The following THSD4 variants were observed in gnomAD, a reference collection of about 807,000 sequenced individuals.
THSD4 encodes the protein thrombospondin type 1 domain containing 4.
A neutral mutation model predicts 119.0 loss-of-function variants in THSD4; 69 were observed. The observed-to-expected ratio is 0.58, with a 90% CI of 0.48 to 0.71. THSD4 has a LOEUF of 0.71. Among genes scored for constraint, THSD4 ranks in the 30% least tolerant of loss-of-function variants. THSD4 has a pLI of 0.00. For missense variants in THSD4, 1,393 were observed against 1,391.1 expected, an observed-to-expected ratio of 1.00 and a Z score of -0.02; for synonymous variants, 524 against 540.4, an observed-to-expected ratio of 0.97 and a Z score of 0.42.
Position 71,642,670 on chromosome 15 carries a change from AATC to A in THSD4, c.1153-17854_1153-17852del, listed in dbSNP as rs531776730. Among the ~76,000 whole-genome samples the A allele has an allele frequency of 8.8e-3, 1,347 of 152,258 alleles. 18 individuals carry two copies. The highest frequency in any genetic ancestry group is 0.031 in the African/African-American group (1,302 of 41,530). On this transcript the variant is annotated intron_variant, in intron 7 of 17. Transcript: ENST00000261862. ...TTGTAGGGACACGGATGAAGTTGGA[AATC>A]ATCATTCTCAGTAAACTATCGCAAG...
intron 7 of THSD4, among the ~76,000 whole-genome samples, chr15:71,583,689 A>G (rs2049602364): frequency 6.6e-6 from 1 of 152,018 alleles, no homozygotes; most frequent in Non-Finnish European, 1.5e-5. Context: ...TTAGAGGTGC[A>G]TTGTTTAATT....
chr15:71,760,180 A>G (rs998238384), intron 15 of THSD4, among the ~76,000 whole-genome samples: 1 of 152,218 alleles, frequency 6.6e-6, no homozygotes, highest in Non-Finnish European at 1.5e-5. Context: ...ATGTGATCCA[A>G]CAGGTGGATG....
intron 4 of THSD4, among the ~76,000 whole-genome samples, chr15:71,223,559 C>T (rs1401753355): frequency 1.3e-5 from 2 of 152,188 alleles, no homozygotes; most frequent in Non-Finnish European, 2.9e-5. Flanking sequence ...GCTTAATAGA[C>T]ATTGCCTTGT....
chr15:71,295,076 T>A (rs548656071), intron 6 of THSD4, among the ~76,000 whole-genome samples: 1 of 152,228 alleles, frequency 6.6e-6, no homozygotes, highest in African/African-American at 2.4e-5. Flanking sequence ...CTGGAAGGGA[T>A]GCTCTGGTTG....
At chr15:71,180,116 C>G in intron 3 of THSD4, among the ~76,000 whole-genome samples, 1 of 121,136 alleles carries the variant, frequency 8.3e-6, no homozygotes, top group Non-Finnish European at 1.7e-5. Flanking sequence ...ACAATGTGCA[C>G]ATGTACCCTA....
At chr15:71,167,551 T>G (rs781055640) in intron 3 of THSD4, among the ~76,000 whole-genome samples, 9 of 152,210 alleles carry the variant, frequency 5.9e-5, no homozygotes, top group Non-Finnish European at 1.3e-4. Flanking sequence ...AGATTTTGGG[T>G]AAAAGTATTT....
intron 6 of THSD4, among the ~76,000 whole-genome samples, chr15:71,288,374 G>T (rs1293157444): frequency 6.6e-6 from 1 of 152,224 alleles, no homozygotes; most frequent in Non-Finnish European, 1.5e-5. Flanking sequence ...GATCCAGGAA[G>T]TGAAAACATG....
chr15:71,202,866 G>A (rs1352321177), intron 3 of THSD4, among the ~76,000 whole-genome samples: 2 of 152,176 alleles, frequency 1.3e-5, no homozygotes, highest in African/African-American at 4.8e-5. Context: ...TCCCAGCAGC[G>A]TAACCTTCAG....
At chr15:71,561,020 C>T (rs191407702) in intron 7 of THSD4, among the ~76,000 whole-genome samples, 25 of 148,106 alleles carry the variant, frequency 1.7e-4, no homozygotes, top group Admixed American at 4.1e-4. Flanking sequence ...TGTCGCCCAG[C>T]CTGGAGTGCA....
chr15:71,290,783 AG>A (rs1430748405), intron 6 of THSD4, among the ~76,000 whole-genome samples: 1 of 152,060 alleles, frequency 6.6e-6, no homozygotes, highest in Non-Finnish European at 1.5e-5. Context: ...GGTGGCTAAT[AG>A]GTTTGTCCCT....
chr15:71,281,000 C>CA (rs1412273132), intron 6 of THSD4, among the ~76,000 whole-genome samples: 1 of 152,228 alleles, frequency 6.6e-6, no homozygotes, highest in African/African-American at 2.4e-5. Context: ...CCAAAAGGTT[C>CA]AGTCAGCTTC....
At chr15:71,323,137 C>G (rs2045292334) in intron 6 of THSD4, among the ~76,000 whole-genome samples, 1 of 150,112 alleles carries the variant, frequency 6.7e-6, no homozygotes, top group Non-Finnish European at 1.5e-5. Flanking sequence ...GTCTTCTAAT[C>G]CTTAACCTCA....
chr15:71,500,326 TTTGTTG>T (rs895861053), intron 7 of THSD4, among the ~76,000 whole-genome samples: 8 of 152,130 alleles, frequency 5.3e-5, no homozygotes, highest in African/African-American at 1.9e-4. Context: ...TTAAATTAGA[TTTGTTG>T]TTGTTGTTGA....
At chr15:71,680,916 ATTTTT>A (rs771191395) in intron 8 of THSD4, among the ~76,000 whole-genome samples, 3 of 135,518 alleles carry the variant, frequency 2.2e-5, no homozygotes, top group Non-Finnish European at 3.2e-5. Flanking sequence ...ATTACTAGTA[ATTTTT>A]TTTTTTTTTT....
intron 4 of THSD4, among the ~76,000 whole-genome samples, chr15:71,224,040 A>C (rs972444025): frequency 6.6e-6 from 1 of 152,172 alleles, no homozygotes; most frequent in African/African-American, 2.4e-5. Context: ...AGGGGAAGAC[A>C]ACGGAGAACT....
intron 6 of THSD4, among the ~76,000 whole-genome samples, chr15:71,391,282 G>A (rs1045125779): frequency 6.6e-6 from 1 of 152,180 alleles, no homozygotes; most frequent in East Asian, 1.9e-4. Flanking sequence ...GCCTGCCTCG[G>A]CCTCTCAAAG....
At chr15:71,596,546 C>G (rs545321417) in intron 7 of THSD4, among the ~76,000 whole-genome samples, 3 of 152,166 alleles carry the variant, frequency 2.0e-5, no homozygotes, top group Non-Finnish European at 4.4e-5. Flanking sequence ...AACACTGGCT[C>G]CATGGGGACA....
chr15:71,124,000 A>T (rs2040431990), intron 1 of THSD4, among the ~76,000 whole-genome samples: 1 of 152,132 alleles, frequency 6.6e-6, no homozygotes, highest in African/African-American at 2.4e-5. Flanking sequence ...GTATCTCGTG[A>T]TGCTTTTTTG....
At chr15:71,494,774 C>T (rs1022471852) in intron 7 of THSD4, among the ~76,000 whole-genome samples, 3 of 152,162 alleles carry the variant, frequency 2.0e-5, no homozygotes, top group African/African-American at 7.2e-5. Flanking sequence ...TGAAATTTCA[C>T]AGCTGGTTAT....
Sources: allele counts gnomAD v4.1 joint callset (sites outside exome capture counted in the v4.1 genomes callset), GRCh38; gene constraint gnomAD v4.1.1; transcripts MANE v1.5; gene names NCBI Gene and HGNC (gene_info 2026-07-23, HGNC 2026-07-21).